NLGN4X: variants seen among roughly 807,000 people sequenced by gnomAD.
NLGN4X encodes the protein neuroligin-4, X-linked.
Under a neutral mutation model 40.3 loss-of-function variants are expected in NLGN4X, and 3 were observed. The observed-to-expected ratio is 0.07, with a 90% CI of 0.03 to 0.19. The LOEUF (loss-of-function observed/expected upper bound fraction) is 0.19, where lower values mean the gene tolerates loss of function less well. Ranked by LOEUF, NLGN4X falls within the 10% of genes least tolerant of loss-of-function variation. NLGN4X has a pLI of 1.00. For synonymous variants in NLGN4X, 270 were observed against 306.8 expected (o/e 0.88, Z 1.25); for missense variants, 382 against 708.3 (o/e 0.54, Z 5.23).
intron 3 of NLGN4X, among the ~76,000 whole-genome samples, chrX:5,946,186 G>C (rs1022165739): frequency 7.2e-5 from 8 of 111,212 alleles, no homozygotes; most frequent in African/African-American, 2.6e-4. Context: ...TCCTCTAGAT[G>C]CAAGTGATAC....
At chrX:5,901,653 T>C (rs1179071058) in intron 5 of NLGN4X, among the ~76,000 whole-genome samples, 6 of 110,505 alleles carry the variant, frequency 5.4e-5, no homozygotes, top group South Asian at 3.9e-4. Flanking sequence ...GAGATACACA[T>C]GTATGTGTGT....
intron 2 of NLGN4X, among the ~76,000 whole-genome samples, chrX:6,045,600 G>C (rs1475888296): frequency 8.9e-6 from 1 of 111,857 alleles, no homozygotes; most frequent in African/African-American, 3.2e-5. Flanking sequence ...GAAGTCAGGT[G>C]ATAGCTGAGG....
chrX:6,203,708 A>G (rs776809744), intron 1 of NLGN4X, among the ~76,000 whole-genome samples: 8 of 112,505 alleles, frequency 7.1e-5, no homozygotes, highest in Non-Finnish European at 1.5e-4. Context: ...ACACCGTCAT[A>G]AAACTGCAAG....
At chrX:6,183,132 G>A (rs981634236) in intron 1 of NLGN4X, among the ~76,000 whole-genome samples, 4 of 112,399 alleles carry the variant, frequency 3.6e-5, no homozygotes, top group Admixed American at 2.8e-4. Flanking sequence ...TAACCATCTA[G>A]TGGAAAACAT....
chrX:6,113,480 A>C (rs999099714), intron 2 of NLGN4X, among the ~76,000 whole-genome samples: 35 of 111,567 alleles, frequency 3.1e-4, no homozygotes, highest in African/African-American at 9.8e-4. Context: ...AAGTAGTGAC[A>C]CAGGTATTTA....
chrX:5,933,626 ATAAC>A (rs1242589626), intron 3 of NLGN4X, among the ~76,000 whole-genome samples: 2 of 111,984 alleles, frequency 1.8e-5, no homozygotes, highest in Non-Finnish European at 3.8e-5. Flanking sequence ...AGAGTTTTAA[ATAAC>A]TATGTATTTA....
At chrX:5,958,665 T>A (rs1467179905) in intron 3 of NLGN4X, among the ~76,000 whole-genome samples, 1 of 112,050 alleles carries the variant, frequency 8.9e-6, no homozygotes, top group Non-Finnish European at 1.9e-5. Context: ...AAAACTGCCA[T>A]CTTATCCCTT....
intron 3 of NLGN4X, among the ~76,000 whole-genome samples, chrX:5,941,752 A>C (rs2033952763): frequency 8.9e-6 from 1 of 112,513 alleles, no homozygotes; most frequent in African/African-American, 3.2e-5. Context: ...AAAGGAATGG[A>C]GAAAGCCAGA....
At chrX:5,969,738 G>A (rs1274708814) in intron 3 of NLGN4X, among the ~76,000 whole-genome samples, 10 of 109,962 alleles carry the variant, frequency 9.1e-5, no homozygotes, top group East Asian at 8.6e-4. Flanking sequence ...TGTTTATTGC[G>A]TCACTATTCG....
chrX:5,898,160 TCCTC>T (rs2031624266), intron 5 of NLGN4X, among the ~76,000 whole-genome samples: 1 of 94,904 alleles, frequency 1.1e-5, no homozygotes, highest in Admixed American at 1.2e-4. Context: ...TTTTCTTCCT[TCCTC>T]CCTTTCTTCC....
intron 2 of NLGN4X, among the ~76,000 whole-genome samples, chrX:6,093,540 G>A (rs1222842797): frequency 9.0e-6 from 1 of 111,100 alleles, no homozygotes; most frequent in Non-Finnish European, 1.9e-5. Flanking sequence ...AAATCCGAAA[G>A]ATTAAAATAC....
intron 2 of NLGN4X, among the ~76,000 whole-genome samples, chrX:6,032,517 G>C (rs1339119921): frequency 9.2e-6 from 1 of 108,306 alleles, no homozygotes; most frequent in African/African-American, 3.4e-5. Context: ...ATGGTAACTG[G>C]GATTAAAAAA....
At chrX:6,168,802 T>G (rs1279948053) in intron 1 of NLGN4X, among the ~76,000 whole-genome samples, 1 of 111,643 alleles carries the variant, frequency 9.0e-6, no homozygotes, top group East Asian at 2.8e-4. Flanking sequence ...GGTCTTGCTC[T>G]GTCACCCAGG....
At chrX:6,198,719 G>C (rs1469261971) in intron 1 of NLGN4X, among the ~76,000 whole-genome samples, 2 of 111,615 alleles carry the variant, frequency 1.8e-5, no homozygotes, top group African/African-American at 6.5e-5. Context: ...AGGAGAGAGA[G>C]AGAAGGAGCA....
intron 3 of NLGN4X, among the ~76,000 whole-genome samples, chrX:5,995,779 T>C (rs185466160): frequency 8.9e-6 from 1 of 111,773 alleles, no homozygotes; most frequent in African/African-American, 3.2e-5. Context: ...AAAATAAAAG[T>C]ACCCTGTTCT....
At chrX:5,934,681 G>A (rs1037714565) in intron 3 of NLGN4X, among the ~76,000 whole-genome samples, 1 of 111,978 alleles carries the variant, frequency 8.9e-6, no homozygotes, top group African/African-American at 3.2e-5. Flanking sequence ...GATCCCTGAT[G>A]TAATAAATGG....
intron 2 of NLGN4X, among the ~76,000 whole-genome samples, chrX:6,054,092 A>T (rs1483337121): frequency 1.8e-5 from 2 of 112,321 alleles, no homozygotes; most frequent in South Asian, 7.4e-4. Context: ...AAGTGAAATC[A>T]TTACAGCTGC....
intron 2 of NLGN4X, among the ~76,000 whole-genome samples, chrX:6,099,382 A>G (rs1678973798): frequency 8.9e-6 from 1 of 112,275 alleles, no homozygotes; most frequent in Non-Finnish European, 1.9e-5. Flanking sequence ...TCTGAAGTAT[A>G]TGTAACAACA....
At chrX:6,218,051 A>G (rs755349348) in intron 1 of NLGN4X, among the ~76,000 whole-genome samples, 2 of 111,925 alleles carry the variant, frequency 1.8e-5, no homozygotes, top group South Asian at 7.5e-4. Context: ...TGGCATCTAC[A>G]TTATTCATTT....
Sources: gnomAD v4.1 joint callset for allele counts (sites outside exome capture counted in the v4.1 genomes callset) on GRCh38, gnomAD v4.1.1 for gene constraint, MANE v1.5 for transcripts, NCBI Gene and HGNC (gene_info 2026-07-23, HGNC 2026-07-21) for gene names.